The following AOPEP variants were observed in gnomAD, a reference collection of about 807,000 sequenced individuals.
AOPEP encodes the protein aminopeptidase O (putative).
AOPEP carries 77 observed loss-of-function variants against 98.1 expected under a neutral mutation model. The ratio of observed to expected loss-of-function variants is 0.78; its 90% CI spans 0.65 to 0.95. The LOEUF (loss-of-function observed/expected upper bound fraction) is 0.95, where lower values mean the gene tolerates loss of function less well. AOPEP is among the 40% of genes least tolerant of loss of function. The pLI is 0.00. For synonymous variants in AOPEP, 346 were observed against 365.3 expected, an observed-to-expected ratio of 0.95 and a Z score of 0.60; for missense variants, 1,024 against 1,024.7, an observed-to-expected ratio of 1.00 and a Z score of 0.01.
chr9:95,099,942 G>A, the AOPEP span: 4 of 232,530 alleles, frequency 1.7e-5, no homozygotes, highest in Admixed American at 5.6e-5. Flanking sequence ...AGGACCACAG[G>A]ACAGGGTGGA....
chr9:95,022,623 G>A (rs1036916827), intron 13 of AOPEP, among the ~76,000 whole-genome samples: 1 of 148,030 alleles, frequency 6.8e-6, no homozygotes, highest in African/African-American at 2.5e-5. Flanking sequence ...ACGGGCGTAA[G>A]CCACCGCGTC....
intron 2 of AOPEP, among the ~76,000 whole-genome samples, chr9:94,768,379 G>A (rs1384992400): frequency 1.3e-5 from 2 of 152,122 alleles, no homozygotes; most frequent in African/African-American, 4.8e-5. Context: ...TCCTGGCTGC[G>A]AAAAGACAAA....
chr9:95,107,782 A>C, the AOPEP span, among the ~76,000 whole-genome samples: 5 of 152,118 alleles, frequency 3.3e-5, no homozygotes. Flanking sequence ...ACGGTCATAC[A>C]CACATGCATG....
intron 5 of AOPEP, among the ~76,000 whole-genome samples, chr9:94,801,615 G>C (rs926270558): frequency 6.6e-6 from 1 of 152,212 alleles, no homozygotes; most frequent in African/African-American, 2.4e-5. Context: ...CACTTTTGCT[G>C]TTGTGTCCTG....
In AOPEP at chr9:94,761,671, C is replaced by G. The variant is rs3802459; in HGVS notation, c.797+1091C>G. On this transcript the variant is annotated intron_variant, in intron 2 of 16. Coordinates refer to ENST00000375315, the MANE Select transcript of AOPEP (RefSeq NM_001193329.3). ...CATTCCTTGCCTCTAATCTTACCTT[C>G]TGTTCTGGTCTCTCACCCTGCTCAG... is the stretch of plus-strand genomic sequence containing the variant. 8.1e-4 allele frequency among the ~76,000 whole-genome samples: 124 copies of G among 152,332 alleles called. 3 individuals carry two copies. In the East Asian group the frequency reaches 0.021, roughly 25 times the overall value.
chr9:95,070,117 T>A (rs2068328149), intron 14 of AOPEP, among the ~76,000 whole-genome samples: 1 of 152,256 alleles, frequency 6.6e-6, no homozygotes, highest in African/African-American at 2.4e-5. Context: ...TCCATGGGAC[T>A]GAGCAGGTAG....
the AOPEP span, among the ~76,000 whole-genome samples, chr9:95,144,244 C>G: frequency 2.6e-5 from 4 of 152,178 alleles, no homozygotes; most frequent in Non-Finnish European, 5.9e-5. Context: ...TGGAGAGGCT[C>G]CAGCTCTTAC....
At chr9:95,121,496 A>G in the AOPEP span, among the ~76,000 whole-genome samples, 1 of 152,228 alleles carries the variant, frequency 6.6e-6, no homozygotes, top group Admixed American at 6.5e-5. Flanking sequence ...GAACTTTTGT[A>G]TTCCAAATAC....
chr9:94,982,654 C>G (rs1329103560), intron 11 of AOPEP, among the ~76,000 whole-genome samples: 3 of 149,836 alleles, frequency 2.0e-5, no homozygotes, highest in Non-Finnish European at 4.4e-5. Context: ...CTGCAGCCTA[C>G]ACCTCCCGGG....
At position 94,780,509 on chromosome 9, in the gene AOPEP, G is replaced by T. The variant is rs115124448; in HGVS notation, c.964+7341G>T. ...GAGAATTAAGCTAGACAAGATAAAA[G>T]AACTCTATGCTTAATACTGCAATTC... On this transcript the variant is annotated intron_variant, in intron 3 of 16. Transcript: ENST00000375315. Among the ~76,000 whole-genome samples, 991 of 152,212 alleles carry T rather than the reference G, an allele frequency of 6.5e-3. 9 individuals carry two copies. Among genetic ancestry groups the T allele is most frequent in the African/African-American group, 0.023 (935 of 41,522 alleles).
chr9:94,797,556 ATT>A (rs139732812), intron 4 of AOPEP, among the ~76,000 whole-genome samples: 3,459 of 152,246 alleles, frequency 0.023, 134 homozygotes, highest in African/African-American at 0.079. Context: ...AAAGATTTTC[ATT>A]TGTTTATATT....
intron 3 of AOPEP, among the ~76,000 whole-genome samples, chr9:94,791,613 G>C (rs978938152): frequency 6.6e-6 from 1 of 152,072 alleles, no homozygotes; most frequent in African/African-American, 2.4e-5. Context: ...GGGTATACAA[G>C]AGGTTGAGCT....
intron 5 of AOPEP, among the ~76,000 whole-genome samples, chr9:94,836,319 C>T (rs765320929): frequency 2.0e-5 from 3 of 152,150 alleles, no homozygotes; most frequent in Non-Finnish European, 2.9e-5. Flanking sequence ...CTTTATAATA[C>T]TGCATTCCTA....
intron 10 of AOPEP, among the ~76,000 whole-genome samples, chr9:94,970,194 G>C (rs981046340): frequency 3.9e-5 from 6 of 152,104 alleles, no homozygotes; most frequent in Admixed American, 1.3e-4. Flanking sequence ...ACTTAATAGT[G>C]GTCTGTATTT....
chr9:95,038,720 GTCTT>G (rs1413930684), intron 13 of AOPEP, among the ~76,000 whole-genome samples: 1 of 152,178 alleles, frequency 6.6e-6, no homozygotes, highest in East Asian at 1.9e-4. Flanking sequence ...CTTTTAATTA[GTCTT>G]ACATTAAGAT....
At chr9:94,786,681 A>G (rs356138) in intron 3 of AOPEP, among the ~76,000 whole-genome samples, 33,218 of 152,142 alleles carry the variant, frequency 0.22, 5,105 homozygotes, top group African/African-American at 0.43. Context: ...TACTAGAAAC[A>G]TCCTCATAGC....
chr9:94,784,997 G>C (rs751843101), intron 3 of AOPEP, among the ~76,000 whole-genome samples: 2 of 151,512 alleles, frequency 1.3e-5, no homozygotes, highest in East Asian at 3.9e-4. Context: ...GCAATGGCAC[G>C]ATCTCAGCAC....
intron 13 of AOPEP, among the ~76,000 whole-genome samples, chr9:95,015,180 T>C (rs2062872288): frequency 6.6e-6 from 1 of 152,234 alleles, no homozygotes; most frequent in Non-Finnish European, 1.5e-5. Flanking sequence ...GGTGGGAAAT[T>C]GGATAATTGA....
intron 5 of AOPEP, among the ~76,000 whole-genome samples, chr9:94,815,944 T>TTTCTGTG (rs1383606654): frequency 1.3e-5 from 2 of 152,112 alleles, no homozygotes; most frequent in Non-Finnish European, 2.9e-5. Context: ...TTTCTGTAAT[T>TTTCTGTG]TTCTCCTGAT....
Sources: allele counts gnomAD v4.1 joint callset (sites outside exome capture counted in the v4.1 genomes callset), GRCh38; gene constraint gnomAD v4.1.1; transcripts MANE v1.5; gene names NCBI Gene and HGNC (gene_info 2026-07-23, HGNC 2026-07-21).